The following PITPNC1 variants were observed in gnomAD, a reference collection of about 807,000 sequenced individuals.
PITPNC1 encodes the protein phosphatidylinositol transfer protein cytoplasmic 1, also known as cytoplasmic phosphatidylinositol transfer protein 1.
Under a neutral mutation model 44.7 loss-of-function variants are expected in PITPNC1, and 18 were observed. The observed-to-expected ratio is 0.40, with a 90% CI of 0.28 to 0.60. The LOEUF (loss-of-function observed/expected upper bound fraction) is 0.60, where lower values mean the gene tolerates loss of function less well. Ranked by LOEUF, PITPNC1 falls within the 20% of genes least tolerant of loss-of-function variation. The pLI, the probability that PITPNC1 is intolerant of heterozygous loss-of-function variation, is 0.39. For synonymous variants in PITPNC1, 141 were observed against 149.6 expected, an observed-to-expected ratio of 0.94 and a Z score of 0.42; for missense variants, 290 against 418.4, an observed-to-expected ratio of 0.69 and a Z score of 2.68.
At chr17:67,583,852 C>T (rs538912573) in intron 5 of PITPNC1, among the ~76,000 whole-genome samples, 16 of 148,804 alleles carry the variant, frequency 1.1e-4, no homozygotes, top group Non-Finnish European at 2.4e-4. Context: ...CCCGCCACCA[C>T]GCCTGGCTAA....
At chr17:67,474,384 C>T (rs1326667726) in intron 1 of PITPNC1, among the ~76,000 whole-genome samples, 2 of 152,146 alleles carry the variant, frequency 1.3e-5, no homozygotes, top group African/African-American at 2.4e-5. Flanking sequence ...AAATTCCTGG[C>T]CTCTAGAGTA....
At chr17:67,470,578 G>GA (rs911932383) in intron 1 of PITPNC1, among the ~76,000 whole-genome samples, 1 of 151,990 alleles carries the variant, frequency 6.6e-6, no homozygotes, top group African/African-American at 2.4e-5. Flanking sequence ...GAGGGAGGTG[G>GA]GGGGGGTCAG....
chr17:67,485,155 G>C (rs189749206), intron 1 of PITPNC1, among the ~76,000 whole-genome samples: 1 of 152,098 alleles, frequency 6.6e-6, no homozygotes, highest in East Asian at 1.9e-4. Flanking sequence ...TTAACCACTT[G>C]GCTAAACTGT....
Position 67,400,844 on chromosome 17 carries a change from G to A in PITPNC1, c.48+22642G>A, listed in dbSNP as rs1040055385. On this transcript the variant is annotated intron_variant, in intron 1 of 8. Transcript: ENST00000581322. ...ATATATAATAAAAGTAGATTTCCCT[G>A]TAGGGTCTAATCCTTCGTGAATGTG... Among the ~76,000 whole-genome samples, 12 of 151,436 alleles carry A rather than the reference G, an allele frequency of 7.9e-5. No homozygotes were observed. In the South Asian group the frequency reaches 2.1e-3, roughly 26 times the overall value.
At chr17:67,598,692 C>A (rs1295005976) in intron 5 of PITPNC1, among the ~76,000 whole-genome samples, 1 of 151,982 alleles carries the variant, frequency 6.6e-6, no homozygotes, top group Non-Finnish European at 1.5e-5. Flanking sequence ...GAGTTCATGA[C>A]CAGCCTGGCC....
At chr17:67,436,845 T>G (rs1206368845) in intron 1 of PITPNC1, among the ~76,000 whole-genome samples, 1 of 151,008 alleles carries the variant, frequency 6.6e-6, no homozygotes, top group Non-Finnish European at 1.5e-5. Flanking sequence ...GGTTGAATAG[T>G]GTCCCCTCAA....
chr17:67,600,342 A>G, intron 5 of PITPNC1, among the ~76,000 whole-genome samples: 1 of 152,226 alleles, frequency 6.6e-6, no homozygotes, highest in Middle Eastern at 3.2e-3. Flanking sequence ...CAGCCAAGGT[A>G]TCAACAGTCA....
intron 5 of PITPNC1, among the ~76,000 whole-genome samples, chr17:67,608,234 T>TAAA (rs150137801): frequency 3.3e-5 from 4 of 122,320 alleles, no homozygotes; most frequent in South Asian, 2.5e-4. Flanking sequence ...AAATGTCAAT[T>TAAA]AAAAAAAAAA....
At chr17:67,526,277 A>C (rs1345435714) in intron 1 of PITPNC1, among the ~76,000 whole-genome samples, 1 of 152,180 alleles carries the variant, frequency 6.6e-6, no homozygotes, top group South Asian at 2.1e-4. Context: ...TGAAGTGAAA[A>C]TCAGTGATAG....
At chr17:67,477,364 A>C (rs1227886973) in intron 1 of PITPNC1, among the ~76,000 whole-genome samples, 3 of 149,540 alleles carry the variant, frequency 2.0e-5, no homozygotes, top group African/African-American at 5.0e-5. Context: ...CTCCTGCCTC[A>C]GCCTCCCAAG....
chr17:67,421,276 A>G (rs1441238193), intron 1 of PITPNC1, among the ~76,000 whole-genome samples: 2 of 152,008 alleles, frequency 1.3e-5, no homozygotes, highest in African/African-American at 4.8e-5. Context: ...GAGAACGGTA[A>G]CTTTTATTTA....
chr17:67,562,548 T>C (rs374116461), intron 4 of PITPNC1, among the ~76,000 whole-genome samples: 29 of 152,260 alleles, frequency 1.9e-4, no homozygotes, highest in South Asian at 6.2e-4. Context: ...ACTTTTTTTT[T>C]CCCCACTTGA....
chr17:67,647,464 G>GTTTTTTTTGTTTTTTTT lies in PITPNC1; in HGVS notation c.462+15234_462+15235insGTTTTTTTTTTTTTTTT, dbSNP rs2042162118. Reference sequence around the variant, plus strand: ...CACCATCACACCCAGCTAATTTTGGGTTTTTTTTTTTTTTTTTTTTTTTTT... The same window carrying GTTTTTTTTGTTTTTTTT: ...CACCATCACACCCAGCTAATTTTGGGTTTTTTTTGTTTTTTTTTTTTTTTTTTTTTTTTTTTTTTTTT... On this transcript the variant is annotated intron_variant, in intron 6 of 8. Transcript: ENST00000581322. 2.9e-4 allele frequency among the ~76,000 whole-genome samples: 21 copies of GTTTTTTTTGTTTTTTTT among 72,358 alleles called. 1 individual carries two copies. The highest frequency in any genetic ancestry group is 9.4e-4 in the African/African-American group (21 of 22,272). The allele number at this position is 72,358 out of a possible 152,430, so 47.5% of individuals were successfully genotyped here. A position where few individuals can be genotyped will look rare whatever the true frequency, so the allele number is the denominator to read the frequency against.
At chr17:67,625,333 G>A (rs758947609) in intron 5 of PITPNC1, among the ~76,000 whole-genome samples, 3 of 152,014 alleles carry the variant, frequency 2.0e-5, no homozygotes, top group Non-Finnish European at 4.4e-5. Context: ...AGTGTCAGGT[G>A]CCCCCCTGTA....
chr17:67,552,404 G>A, intron 3 of PITPNC1, 59 bp downstream of exon 3: 1 of 881,012 alleles, frequency 1.1e-6, no homozygotes, highest in South Asian at 1.3e-5. Context: ...TAGCATAGTT[G>A]AATTTCACTG....
chr17:67,439,749 C>T (rs984459281), intron 1 of PITPNC1, among the ~76,000 whole-genome samples: 2 of 152,112 alleles, frequency 1.3e-5, no homozygotes, highest in Admixed American at 6.6e-5. Flanking sequence ...ATGAGATGGA[C>T]ATTTCTTTTT....
At chr17:67,524,638 A>G (rs1484033798) in intron 1 of PITPNC1, 4 of 151,910 alleles carry the variant, frequency 2.6e-5, no homozygotes, top group African/African-American at 9.7e-5. Context: ...CCCAAGTCAG[A>G]CGCTAAATTT....
intron 1 of PITPNC1, among the ~76,000 whole-genome samples, chr17:67,531,593 C>T (rs539224932): frequency 6.6e-6 from 1 of 152,328 alleles, no homozygotes; most frequent in South Asian, 2.1e-4. Flanking sequence ...TGTGTCTTCT[C>T]AGCTGTGAAA....
intron 1 of PITPNC1, among the ~76,000 whole-genome samples, chr17:67,519,927 G>T (rs1598771150): frequency 2.0e-5 from 3 of 152,150 alleles, no homozygotes; most frequent in Admixed American, 6.5e-5. Context: ...TGTTTGTCTA[G>T]GCATGAAGTG....
Sources: allele counts gnomAD v4.1 joint callset (sites outside exome capture counted in the v4.1 genomes callset), GRCh38; gene constraint gnomAD v4.1.1; transcripts MANE v1.5; gene names NCBI Gene and HGNC (gene_info 2026-07-23, HGNC 2026-07-21).